Variants in CECR2 observed in about 807,000 individuals in gnomAD.
CECR2 encodes the protein chromatin remodeling regulator CECR2.
In CECR2, 30 loss-of-function variants were observed where a neutral mutation model predicts 154.5. That is an observed-to-expected ratio of 0.19 (90% CI 0.15 to 0.26). CECR2 has a LOEUF of 0.26. Ranked by LOEUF, CECR2 falls within the 10% of genes least tolerant of loss-of-function variation. The pLI is 1.00. For missense variants in CECR2, 1,743 were observed against 1,829.3 expected, an observed-to-expected ratio of 0.95 and a Z score of 0.86; for synonymous variants, 725 against 683.7, an observed-to-expected ratio of 1.06 and a Z score of -0.94.
At chr22:17,462,108 A>T (rs114338748) in intron 1 of CECR2, among the ~76,000 whole-genome samples, 2,587 of 151,244 alleles carry the variant, frequency 0.017, 71 homozygotes, top group African/African-American at 0.059. Context: ...TTACTTTTTT[A>T]AAGATAAAGA....
At chr22:17,373,264 A>G (rs2063081829) in intron 1 of CECR2, among the ~76,000 whole-genome samples, 1 of 152,136 alleles carries the variant, frequency 6.6e-6, no homozygotes, top group African/African-American at 2.4e-5. Flanking sequence ...TACTCTATTA[A>G]TCAACCTTGA....
chr22:17,449,215 T>G (rs924463847), intron 1 of CECR2, among the ~76,000 whole-genome samples: 5 of 151,782 alleles, frequency 3.3e-5, no homozygotes, highest in Admixed American at 3.3e-4. Flanking sequence ...TGTTCTTTTT[T>G]CGGCCCAGAG....
intron 2 of CECR2, among the ~76,000 whole-genome samples, chr22:17,482,974 C>T (rs1359549991): frequency 6.6e-6 from 1 of 152,132 alleles, no homozygotes. Flanking sequence ...AGCCACCGCG[C>T]CCAGCCTAGT....
chr22:17,469,782 C>T (rs1045379016), intron 1 of CECR2, among the ~76,000 whole-genome samples: 3 of 152,162 alleles, frequency 2.0e-5, no homozygotes, highest in Non-Finnish European at 4.4e-5. Context: ...TGCTGGAGTC[C>T]TGTGCTGTTG....
In CECR2 at chr22:17,548,203, G is replaced by A. The variant is rs1252717057; in HGVS notation, c.2916G>A (p.Gly972=). The A allele has an allele frequency of 5.0e-6, 8 of 1,591,056 alleles. No homozygotes were observed. The highest frequency in any genetic ancestry group is 1.4e-5 in the African/African-American group (1 of 74,034). ...CACCAGGTGTTGGTACTTCAGAGGG[G>A]GTCTACCTCACACAACTACCTCACC... The part of the protein sequence containing the change: ...EKPPGVGTSE[G]VYLTQLPHPT... Residue 972 remains glycine (G), a synonymous_variant, in exon 17 of 19, where the codon GGG becomes GGA. Transcript: ENST00000262608.
Position 17,540,783 on chromosome 22 carries a change from C to T in CECR2, c.1867C>T (p.Pro623Ser). 1 of 1,579,094 alleles carries T rather than the reference C, an allele frequency of 6.3e-7. No individual in the cohort carries two copies. Among genetic ancestry groups the T allele is most frequent in the Non-Finnish European group, 8.6e-7 (1 of 1,162,226 alleles). Reference sequence around the variant, plus strand: ...TTGTGGTGGGACACCCAGCCAGGCACCCTTTTTAAACCAGATGGTAAGGAA... The same window carrying T: ...TTGTGGTGGGACACCCAGCCAGGCATCCTTTTTAAACCAGATGGTAAGGAA... Reference protein sequence around the residue: ...LHCGGTPSQAPFLNQMRPAVP... With the variant: ...LHCGGTPSQASFLNQMRPAVP... Residue 623 changes from proline (P) to serine (S), a missense_variant, in exon 14 of 19, where the codon CCC becomes TCC. Pro to Ser is a moderately conservative substitution (Grantham distance 74). This residue lies in a region of CECR2 where 1,250 missense variants were observed against 1,192.1 expected (regional missense o/e 1.05). Transcript: ENST00000262608.
intron 1 of CECR2, chr22:17,428,563 T>TC (rs1569076540): frequency 6.6e-6 from 1 of 152,174 alleles, no homozygotes; most frequent in Non-Finnish European, 1.5e-5. Context: ...CATGATTATT[T>TC]CCCCCCATAT....
chr22:17,513,730 G>C (rs934339726), intron 8 of CECR2, among the ~76,000 whole-genome samples: 2 of 151,990 alleles, frequency 1.3e-5, no homozygotes, highest in Non-Finnish European at 2.9e-5. Context: ...GGCCTTGTTG[G>C]GCTCTCTCTG....
chr22:17,472,994 A>G (rs1390756386), intron 1 of CECR2, among the ~76,000 whole-genome samples: 1 of 152,102 alleles, frequency 6.6e-6, no homozygotes, highest in African/African-American at 2.4e-5. Context: ...GGTTGGGGCT[A>G]GTCCCCTTGC....
intron 2 of CECR2, among the ~76,000 whole-genome samples, chr22:17,479,638 T>C (rs1380193848): frequency 6.6e-6 from 1 of 152,130 alleles, no homozygotes; most frequent in Non-Finnish European, 1.5e-5. Flanking sequence ...TGTTTGTTCT[T>C]CCAGATAGTG....
intron 9 of CECR2, among the ~76,000 whole-genome samples, chr22:17,529,627 G>A (rs2056322576): frequency 6.6e-6 from 1 of 151,900 alleles, no homozygotes; most frequent in Non-Finnish European, 1.5e-5. Context: ...GTGAACCCGG[G>A]AGGCGGAGCT....
Position 17,549,513 on chromosome 22 carries a change from G to A in CECR2, c.4226G>A (p.Gly1409Asp). The change falls in exon 17 of 19, where the codon GGC becomes GAC. Residue 1409 changes from glycine to aspartate, a missense_variant. Around this residue, in one of 4 missense-constraint regions of CECR2, gnomAD observed 1,250 missense variants for 1,192.1 expected, o/e 1.05. Coordinates refer to ENST00000262608, the MANE Select transcript of CECR2 (RefSeq NM_001290047.2). ...CAAGCTGTGATGATGGAACAAATTGGCACTAGAAGTGGAATAAGAGGACCT... is the reference window on the plus strand; with the variant it reads ...CAAGCTGTGATGATGGAACAAATTGACACTAGAAGTGGAATAAGAGGACCT... ...HFQAVMMEQI[G>D]TRSGIRGPFQ... 6.2e-7 allele frequency: 1 copy of A among 1,606,598 alleles called. No homozygotes were observed. The highest frequency in any genetic ancestry group is 8.5e-7 in the Non-Finnish European group (1 of 1,176,622).
Position 17,540,680 on chromosome 22 carries a change from C to T in CECR2, c.1764C>T (p.Asp588=), listed in dbSNP as rs770431570. The T allele has an allele frequency of 1.7e-5, 28 of 1,613,808 alleles. No individual in the cohort carries two copies. The highest frequency in any genetic ancestry group is 6.7e-5 in the Admixed American group (4 of 59,990). Residue 588 remains aspartate, a synonymous_variant, in exon 14 of 19, where the codon GAC becomes GAT. Coordinates refer to ENST00000262608, the MANE Select transcript of CECR2 (RefSeq NM_001290047.2). Reference sequence around the variant, plus strand: ...CACGCCGAGCGCCCTCTTCTGGGGACGATCAGAGCAGCAGCTCCACACAGC... The same window carrying T: ...CACGCCGAGCGCCCTCTTCTGGGGATGATCAGAGCAGCAGCTCCACACAGC... ...PPTRRAPSSG[D]DQSSSSTQPP...
chr22:17,378,204 G>T (rs12160716), intron 1 of CECR2, among the ~76,000 whole-genome samples: 7 of 146,966 alleles, frequency 4.8e-5, no homozygotes, highest in African/African-American at 1.0e-4. Context: ...AGGATGGTCT[G>T]GATCTCCTAA....
At chr22:17,361,257 G>A (rs1461959351) in intron 1 of CECR2, among the ~76,000 whole-genome samples, 1 of 152,144 alleles carries the variant, frequency 6.6e-6, no homozygotes, top group Non-Finnish European at 1.5e-5. Context: ...GGAGGCCGAG[G>A]TGGGCATATC....
At chr22:17,464,738 C>T (rs957271969) in intron 1 of CECR2, among the ~76,000 whole-genome samples, 4 of 152,114 alleles carry the variant, frequency 2.6e-5, no homozygotes, top group Non-Finnish European at 5.9e-5. Flanking sequence ...TCGACTCAAG[C>T]AGTCCTCCCA....
rs368057111 is a variant in CECR2, at chr22:17,540,775, G to T, written c.1859G>T (p.Ser620Ile). ...SHPLHCGGTP[S>I]QAPFLNQMRP... Reference sequence around the variant, plus strand: ...CCCCTGCATTGTGGTGGGACACCCAGCCAGGCACCCTTTTTAAACCAGATG... The same window carrying T: ...CCCCTGCATTGTGGTGGGACACCCATCCAGGCACCCTTTTTAAACCAGATG... The change falls in exon 14 of 19, where the codon AGC (serine) becomes ATC (isoleucine). Residue 620 changes from serine (S) to isoleucine (I), a missense_variant. Ser to Ile is a moderately radical substitution (Grantham distance 142). Around this residue, in one of 4 missense-constraint regions of CECR2, gnomAD observed 1,250 missense variants for 1,192.1 expected, o/e 1.05. Transcript: ENST00000262608. 6.3e-7 allele frequency: 1 copy of T among 1,585,020 alleles called. No homozygotes were observed. Among genetic ancestry groups the T allele is most frequent in the Non-Finnish European group, 8.6e-7 (1 of 1,165,252 alleles).
chr22:17,394,961 G>A (rs1434515538), intron 1 of CECR2, among the ~76,000 whole-genome samples: 6 of 152,056 alleles, frequency 3.9e-5, no homozygotes, highest in African/African-American at 1.5e-4. Flanking sequence ...ATTTTATTGA[G>A]CTATAATTTA....
intron 1 of CECR2, among the ~76,000 whole-genome samples, chr22:17,410,298 T>C (rs2054048363): frequency 2.0e-5 from 3 of 152,128 alleles, no homozygotes; most frequent in Non-Finnish European, 2.9e-5. Context: ...ATTTTTTTTG[T>C]TGTCACTGCC....
Sources: allele counts gnomAD v4.1 joint callset (sites outside exome capture counted in the v4.1 genomes callset), GRCh38; gene constraint gnomAD v4.1.1; regional missense constraint gnomAD v4.1.1; transcripts MANE v1.5; gene names NCBI Gene and HGNC (gene_info 2026-07-23, HGNC 2026-07-21).